VPS37A: variants seen among roughly 807,000 people sequenced by gnomAD.
VPS37A encodes vacuolar protein sorting-associated protein 37A.
Under a neutral mutation model 49.8 loss-of-function variants are expected in VPS37A, and 30 were observed. The ratio of observed to expected loss-of-function variants is 0.60; its 90% CI spans 0.45 to 0.82. VPS37A has a LOEUF of 0.82. Ranked by LOEUF, VPS37A falls within the 40% of genes least tolerant of loss-of-function variation. The pLI is 0.00. For missense variants in VPS37A, 593 were observed against 464.4 expected (o/e 1.28, Z -2.55); for synonymous variants, 195 against 160.6 (o/e 1.21, Z -1.62).
At chr8:17,264,720 G>A (rs1411437932) in intron 1 of VPS37A, among the ~76,000 whole-genome samples, 1 of 152,146 alleles carries the variant, frequency 6.6e-6, no homozygotes, top group Non-Finnish European at 1.5e-5. Flanking sequence ...TTAGTCATAA[G>A]CTAGATCTTT....
the VPS37A span, among the ~76,000 whole-genome samples, chr8:17,327,485 TG>T: frequency 3.9e-5 from 6 of 152,268 alleles, no homozygotes; most frequent in East Asian, 1.2e-3. Context: ...CTCACTGTGT[TG>T]CCCAGGCTGG....
At chr8:17,274,708 A>C (rs1417125724) in intron 4 of VPS37A, 25 bp from the exon 5 acceptor site, 1 of 1,570,506 alleles carries the variant, frequency 6.4e-7, no homozygotes, top group Non-Finnish European at 8.7e-7. Context: ...AATCTAATGT[A>C]ATGATCTTCT....
At chr8:17,247,935 C>A (rs1585890835) in intron 1 of VPS37A, 4 of 610,142 alleles carry the variant, frequency 6.6e-6, no homozygotes, top group East Asian at 5.5e-5. Context: ...TCACAGCGAC[C>A]AGTGCATGTA....
At chr8:17,281,034 C>T (rs1057302369) in intron 9 of VPS37A, among the ~76,000 whole-genome samples, 4 of 151,336 alleles carry the variant, frequency 2.6e-5, no homozygotes, top group African/African-American at 9.7e-5. Flanking sequence ...TGGGTAAAGT[C>T]AATGAAATAA....
the VPS37A span, among the ~76,000 whole-genome samples, chr8:17,318,947 A>G: frequency 6.6e-6 from 1 of 152,218 alleles, no homozygotes; most frequent in Admixed American, 6.5e-5. Flanking sequence ...AGCACTGCTC[A>G]TTGTCCTGCT....
rs1370506645 is a variant in VPS37A, at chr8:17,268,111, A to G, written c.201-147A>G. On this transcript the variant is annotated intron_variant, in intron 2 of 11. Transcript: ENST00000324849. ...AGTCTTAAACATATTTTCAGACAAC[A>G]CCATAATAGAGCACTTATTACTAAA... is the stretch of plus-strand genomic sequence containing the variant. 6 of 540,066 alleles carry G rather than the reference A, an allele frequency of 1.1e-5. No individual in the cohort carries two copies. The African/African-American group carries it at 1.1e-4, about 10-fold the overall frequency. The allele number at this position is 540,066 out of a possible 1,614,324, so 33.5% of individuals were successfully genotyped here.
downstream of VPS37A, among the ~76,000 whole-genome samples, chr8:17,307,222 A>G (rs1308810689): frequency 6.6e-6 from 1 of 152,202 alleles, no homozygotes; most frequent in African/African-American, 2.4e-5. Flanking sequence ...AAAAGTGGGC[A>G]AAGGATATGA....
the VPS37A span, among the ~76,000 whole-genome samples, chr8:17,310,487 A>C: frequency 6.6e-6 from 1 of 152,190 alleles, no homozygotes; most frequent in Non-Finnish European, 1.5e-5. Flanking sequence ...TTGATGATGG[A>C]AACGCATGTG....
chr8:17,250,923 C>T (rs1259177317), intron 1 of VPS37A, among the ~76,000 whole-genome samples: 1 of 152,202 alleles, frequency 6.6e-6, no homozygotes, highest in Non-Finnish European at 1.5e-5. Context: ...ATTATGCCTC[C>T]TGGGCTCAAG....
intron 1 of VPS37A, among the ~76,000 whole-genome samples, chr8:17,254,928 C>A (rs1298273931): frequency 6.6e-6 from 1 of 152,104 alleles, no homozygotes; most frequent in Non-Finnish European, 1.5e-5. Context: ...GCACTTGAAT[C>A]TTTTATTTGC....
chr8:17,247,757 G>A, intron 1 of VPS37A: 1 of 702,638 alleles, frequency 1.4e-6, no homozygotes, highest in Non-Finnish European at 2.6e-6. Flanking sequence ...ATTGTGAAGA[G>A]TAATCTCCAG....
chr8:17,268,240 C>A lies in VPS37A; in HGVS notation c.201-18C>A. The A allele has an allele frequency of 1.9e-6, 3 of 1,549,308 alleles. No individual in the cohort carries two copies. Among genetic ancestry groups the A allele is most frequent in the South Asian group, 1.1e-5 (1 of 87,404 alleles). On this transcript the variant is annotated intron_variant, in intron 2 of 11. Transcript: ENST00000324849. ...TGTTATCTTTGTTTTTGTTTTTCAT[C>A]TGTTCTACCTCTACCAGATTGCTTC... is the stretch of plus-strand genomic sequence containing the variant.
intron 4 of VPS37A, among the ~76,000 whole-genome samples, chr8:17,273,646 G>A (rs895431708): frequency 1.2e-4 from 19 of 152,270 alleles, no homozygotes; most frequent in African/African-American, 4.1e-4. Flanking sequence ...GATTACAGGC[G>A]TGTATTAGGG....
At chr8:17,256,997 T>G (rs1812525763) in intron 1 of VPS37A, among the ~76,000 whole-genome samples, 1 of 152,204 alleles carries the variant, frequency 6.6e-6, no homozygotes, top group African/African-American at 2.4e-5. Flanking sequence ...CAAAATTGTT[T>G]GCCTAGAACA....
At chr8:17,276,132 C>G (rs1402133175) in intron 5 of VPS37A, among the ~76,000 whole-genome samples, 3 of 151,862 alleles carry the variant, frequency 2.0e-5, no homozygotes, top group Non-Finnish European at 2.9e-5. Flanking sequence ...TGTACTTAGA[C>G]AAGAAAGAGA....
intron 1 of VPS37A, 122 bp downstream of exon 1, chr8:17,247,491 G>A (rs914884433): frequency 3.7e-6 from 5 of 1,363,414 alleles, no homozygotes; most frequent in African/African-American, 1.4e-5. Flanking sequence ...TACCTCCCTT[G>A]GTTGTGGGTC....
At chr8:17,309,189 A>G in the VPS37A span, 2 of 905,344 alleles carry the variant, frequency 2.2e-6, no homozygotes, top group Non-Finnish European at 3.5e-6. Flanking sequence ...TCAAAAAACA[A>G]GACGATTTTC....
At chr8:17,314,550 A>C in the VPS37A span, among the ~76,000 whole-genome samples, 1 of 152,204 alleles carries the variant, frequency 6.6e-6, no homozygotes, top group African/African-American at 2.4e-5. Flanking sequence ...TTAATTTATC[A>C]GATGCCCTGC....
chr8:17,256,083 A>G (rs1275782362), intron 1 of VPS37A, among the ~76,000 whole-genome samples: 1 of 142,934 alleles, frequency 7.0e-6, no homozygotes, highest in Admixed American at 7.0e-5. Context: ...TGGCAGTTTC[A>G]TTTTTTTTTT....
Sources: allele counts gnomAD v4.1 joint callset (sites outside exome capture counted in the v4.1 genomes callset), GRCh38; gene constraint gnomAD v4.1.1; transcripts MANE v1.5; gene names NCBI Gene and HGNC (gene_info 2026-07-23, HGNC 2026-07-21).